Variants in ATP2C1 observed in about 807,000 individuals in gnomAD.
The protein encoded by ATP2C1 is ATPase secretory pathway Ca2+ transporting 1, also known as calcium-transporting ATPase type 2C member 1.
In ATP2C1, 31 loss-of-function variants were observed where a neutral mutation model predicts 120.5. That is an observed-to-expected ratio of 0.26 (90% CI 0.19 to 0.35). The LOEUF (loss-of-function observed/expected upper bound fraction) is 0.35. ATP2C1 is among the 10% of genes least tolerant of loss of function. ATP2C1 has a pLI of 1.00. For missense variants in ATP2C1, 731 were observed against 1,107.5 expected, an observed-to-expected ratio of 0.66 and a Z score of 4.83; for synonymous variants, 351 against 358.7, an observed-to-expected ratio of 0.98 and a Z score of 0.24.
Position 130,902,008 on chromosome 3 carries a change from C to T in ATP2C1, c.6+7233C>T, listed in dbSNP as rs145139005. ...AGCATCTTCTACCTCCCCCCGCCAC[C>T]CTCAAAATTTTTTAGCCCCAGATGT... On this transcript the variant is annotated intron_variant, in intron 2 of 27. Coordinates refer to ENST00000510168, the MANE Select transcript of ATP2C1 (RefSeq NM_001378687.1). 5.4e-3 allele frequency among the ~76,000 whole-genome samples: 824 copies of T among 152,136 alleles called. 7 individuals carry two copies. Among genetic ancestry groups the T allele is most frequent in the African/African-American group, 0.019 (769 of 41,508 alleles).
intron 1 of ATP2C1, among the ~76,000 whole-genome samples, chr3:130,853,219 A>G (rs1032735615): frequency 6.6e-6 from 1 of 152,248 alleles, no homozygotes; most frequent in African/African-American, 2.4e-5. Flanking sequence ...CTAGGTAGAT[A>G]CTATTGCCTG....
chr3:130,873,603 T>G (rs1349752975), intron 1 of ATP2C1, among the ~76,000 whole-genome samples: 1 of 152,192 alleles, frequency 6.6e-6, no homozygotes, highest in Non-Finnish European at 1.5e-5. Flanking sequence ...GGAAAAAATA[T>G]AAGTTTTTTA....
intron 12 of ATP2C1, among the ~76,000 whole-genome samples, chr3:130,961,116 A>C (rs114902511): frequency 0.017 from 2,573 of 152,124 alleles, 33 homozygotes; most frequent in Non-Finnish European, 0.026. Context: ...ATGCAATTTG[A>C]AACTCTTGGT....
chr3:130,995,919 A>C (rs1577033350), intron 22 of ATP2C1, 124 bp from the exon 23 acceptor site: 1 of 719,712 alleles, frequency 1.4e-6, no homozygotes, highest in East Asian at 2.6e-5. Context: ...TGCTGGGATT[A>C]CAGGCATGAG....
upstream of ATP2C1, among the ~76,000 whole-genome samples, chr3:130,891,522 C>T (rs984439593): frequency 4.6e-5 from 7 of 152,158 alleles, no homozygotes; most frequent in African/African-American, 1.7e-4. Flanking sequence ...GTTAAATATT[C>T]AGGACAAAAG....
intron 24 of ATP2C1, 101 bp downstream of exon 24, chr3:130,996,897 T>C (rs2062646788): frequency 1.2e-6 from 1 of 851,196 alleles, no homozygotes; most frequent in Non-Finnish European, 2.0e-6. Flanking sequence ...TGGAAAACTT[T>C]GCAGCAAATG....
rs1013707012 is a variant in ATP2C1 at position 130,934,722 on chromosome 3, A to T, written c.324+11A>T. 3 of 1,561,532 alleles carry T rather than the reference A, an allele frequency of 1.9e-6. No individual in the cohort carries two copies. The highest frequency in any genetic ancestry group is 1.8e-6 in the Non-Finnish European group (2 of 1,132,816). On this transcript the variant is annotated intron_variant, in intron 5 of 27. Transcript: ENST00000510168. ...GTCAGTATCACTGTGGTAAGAAAAAAATTACATATTTTTAATCTGTTGAGT... is the reference window on the plus strand; with the variant it reads ...GTCAGTATCACTGTGGTAAGAAAAATATTACATATTTTTAATCTGTTGAGT...
downstream of ATP2C1, among the ~76,000 whole-genome samples, chr3:131,008,043 G>T (rs1422543563): frequency 6.6e-6 from 1 of 152,172 alleles, no homozygotes; most frequent in African/African-American, 2.4e-5. Context: ...GGTCTGGATG[G>T]TTGGATGGTC....
rs561096348 is a variant in ATP2C1 at position 131,010,483 on chromosome 3, C to T, written c.2630-5669C>T. On this transcript the variant is annotated intron_variant, in intron 26 of 26. Transcript: ENST00000328560. ...TGCTGGGATTACAGGTGTGAGCCAC[C>T]ACGCCCGGCCACCTTTTTCTATCTT... Among the ~76,000 whole-genome samples the T allele has an allele frequency of 2.0e-5, 3 of 152,266 alleles. No homozygotes were observed. In the South Asian group the frequency reaches 6.2e-4, roughly 32 times the overall value.
chr3:130,878,290 A>C (rs993873872), intron 1 of ATP2C1, among the ~76,000 whole-genome samples: 1 of 152,150 alleles, frequency 6.6e-6, no homozygotes, highest in African/African-American at 2.4e-5. Context: ...AGTATAATAA[A>C]AAAATCATAA....
chr3:130,883,461 CCTT>C (rs1369537525), intron 1 of ATP2C1, among the ~76,000 whole-genome samples: 1 of 118,836 alleles, frequency 8.4e-6, no homozygotes, highest in Non-Finnish European at 1.8e-5. Flanking sequence ...TCTTTCTTCT[CCTT>C]CTTTTTTTTT....
chr3:130,944,585 G>T (rs2060059110), intron 8 of ATP2C1, among the ~76,000 whole-genome samples: 1 of 152,090 alleles, frequency 6.6e-6, no homozygotes, highest in South Asian at 2.1e-4. Context: ...ACTTCCCAGG[G>T]CCCCATCTCC....
intron 1 of ATP2C1, among the ~76,000 whole-genome samples, chr3:130,883,911 T>C (rs181991050): frequency 6.6e-6 from 1 of 150,408 alleles, no homozygotes; most frequent in Non-Finnish European, 1.5e-5. Context: ...TCTTTCTTAA[T>C]TTCTTTTCTT....
At chr3:130,960,812 C>A (rs2060787294) in intron 12 of ATP2C1, among the ~76,000 whole-genome samples, 1 of 152,152 alleles carries the variant, frequency 6.6e-6, no homozygotes, top group African/African-American at 2.4e-5. Context: ...GTACTCAGAA[C>A]ATTCATTTCC....
chr3:130,993,814 A>G, intron 21 of ATP2C1, 118 bp from the exon 22 acceptor site: 2 of 1,021,088 alleles, frequency 2.0e-6, no homozygotes, highest in Admixed American at 2.0e-5. Flanking sequence ...TGGGTGGTCT[A>G]TATTATTTCT....
rs1203670242 is a variant in ATP2C1 at position 130,953,868 on chromosome 3, G to A, written c.579G>A (p.Thr193=). ...IDESSLTGET[T]PCSKVTAPQP... Reference sequence around the variant, plus strand: ...AGTCCAGCTTGACAGGTGAGACAACGCCTTGTTCTAAGGTGACAGCTCCTC... The same window carrying A: ...AGTCCAGCTTGACAGGTGAGACAACACCTTGTTCTAAGGTGACAGCTCCTC... Residue 193 remains threonine (T), a synonymous_variant, in exon 9 of 28, where the codon ACG becomes ACA. Coordinates refer to ENST00000510168, the MANE Select transcript of ATP2C1 (RefSeq NM_001378687.1). The A allele has an allele frequency of 6.2e-7, 1 of 1,613,892 alleles. No individual in the cohort carries two copies. Among genetic ancestry groups the A allele is most frequent in the Non-Finnish European group, 8.5e-7 (1 of 1,179,966 alleles).
At position 130,998,271 on chromosome 3, in the gene ATP2C1, ATTTTG is replaced by A; in HGVS notation, c.2392-20_2392-16del. 4 of 1,524,646 alleles carry A rather than the reference ATTTTG, an allele frequency of 2.6e-6. No individual in the cohort carries two copies. The highest frequency in any genetic ancestry group is 3.6e-6 in the Non-Finnish European group (4 of 1,098,636). The allele number at this position is 1,524,646 out of a possible 1,614,324, so 94.4% of individuals were successfully genotyped here. A position where few individuals can be genotyped will look rare whatever the true frequency, so the allele number is the denominator to read the frequency against. ...CATTAAATTCAGCCACTGAAAAGTAATTTTGTTATTGCCTCTTGACAGCTACGAGA... is the reference window on the plus strand; with the variant it reads ...CATTAAATTCAGCCACTGAAAAGTAATTATTGCCTCTTGACAGCTACGAGA... On this transcript the variant is annotated intron_variant, in intron 25 of 27. Transcript: ENST00000510168.
At chr3:130,973,365 G>C (rs1451204556) in intron 17 of ATP2C1, among the ~76,000 whole-genome samples, 1 of 152,126 alleles carries the variant, frequency 6.6e-6, no homozygotes, top group Non-Finnish European at 1.5e-5. Flanking sequence ...AGAGCTTTAA[G>C]CAAAGGGGAG....
intron 2 of ATP2C1, among the ~76,000 whole-genome samples, chr3:130,897,193 A>C (rs2069704224): frequency 6.6e-6 from 1 of 152,192 alleles, no homozygotes; most frequent in South Asian, 2.1e-4. Context: ...TAGTTGAGGG[A>C]TAAGTGGAGT....
Sources: gnomAD v4.1 joint callset for allele counts (sites outside exome capture counted in the v4.1 genomes callset) on GRCh38, gnomAD v4.1.1 for gene constraint, MANE v1.5 for transcripts, NCBI Gene and HGNC (gene_info 2026-07-23, HGNC 2026-07-21) for gene names.